SULF1: variants seen among roughly 807,000 people sequenced by gnomAD.
SULF1 encodes extracellular sulfatase Sulf-1.
Under a neutral mutation model 110.5 loss-of-function variants are expected in SULF1, and 46 were observed. The ratio of observed to expected loss-of-function variants is 0.42; its 90% CI spans 0.33 to 0.53. The LOEUF (loss-of-function observed/expected upper bound fraction) is 0.53. SULF1 is among the 20% of genes least tolerant of loss of function. The pLI is 0.12. For synonymous variants in SULF1, 371 were observed against 387.1 expected, an observed-to-expected ratio of 0.96 and a Z score of 0.49; for missense variants, 941 against 1,094.2, an observed-to-expected ratio of 0.86 and a Z score of 1.98.
At chr8:69,536,848 G>A (rs1478420606) in intron 3 of SULF1, among the ~76,000 whole-genome samples, 4 of 152,082 alleles carry the variant, frequency 2.6e-5, no homozygotes, top group Non-Finnish European at 5.9e-5. Context: ...TGAGATCATC[G>A]AAAGCCATGT....
chr8:69,555,185 C>T (rs1393851101), intron 3 of SULF1, among the ~76,000 whole-genome samples: 1 of 152,044 alleles, frequency 6.6e-6, no homozygotes, highest in African/African-American at 2.4e-5. Flanking sequence ...CTAGAATTGT[C>T]TTTTGAAATG....
chr8:69,511,719 T>G (rs1012260677), intron 3 of SULF1, among the ~76,000 whole-genome samples: 1 of 152,250 alleles, frequency 6.6e-6, no homozygotes. Context: ...CACATCATTG[T>G]CACCCAGAGT....
intron 3 of SULF1, among the ~76,000 whole-genome samples, chr8:69,554,669 A>AAG (rs1390141740): frequency 6.6e-6 from 1 of 150,992 alleles, no homozygotes; most frequent in Non-Finnish European, 1.5e-5. Context: ...CTAAAAAAAA[A>AAG]GAAAAAGAAA....
chr8:69,488,156 C>A (rs1447519708), upstream of SULF1, among the ~76,000 whole-genome samples: 3 of 152,220 alleles, frequency 2.0e-5, no homozygotes, highest in Admixed American at 6.5e-5. Context: ...GAAATAACAT[C>A]TAAAGCTTTG....
chr8:69,498,286 C>A (rs1215085727), intron 2 of SULF1, among the ~76,000 whole-genome samples: 1 of 152,162 alleles, frequency 6.6e-6, no homozygotes, highest in Middle Eastern at 3.2e-3. Flanking sequence ...GTTTGTGTGG[C>A]CAGCTTCAGC....
intron 7 of SULF1, among the ~76,000 whole-genome samples, chr8:69,586,977 C>A (rs1806511121): frequency 6.6e-6 from 1 of 152,224 alleles, no homozygotes; most frequent in South Asian, 2.1e-4. Flanking sequence ...TTACTCCTGT[C>A]TGACCAAGCT....
chr8:69,583,657 C>A (rs543867263), intron 6 of SULF1, among the ~76,000 whole-genome samples: 22 of 152,288 alleles, frequency 1.4e-4, no homozygotes, highest in Admixed American at 1.2e-3. Context: ...ACATTGGATT[C>A]ATGAACCCAA....
chr8:69,526,782 C>A (rs961262621), intron 3 of SULF1, among the ~76,000 whole-genome samples: 1 of 121,054 alleles, frequency 8.3e-6, no homozygotes, highest in Non-Finnish European at 1.7e-5. Context: ...CAGAGTGAGA[C>A]CCTGTGTCAA....
chr8:69,652,749 ACT>A (rs1812439715), intron 22 of SULF1, among the ~76,000 whole-genome samples: 1 of 152,150 alleles, frequency 6.6e-6, no homozygotes, highest in South Asian at 2.1e-4. Context: ...AACTGCTCAA[ACT>A]CTGTTCAAAT....
intron 1 of SULF1, among the ~76,000 whole-genome samples, chr8:69,478,148 C>G (rs1476615567): frequency 6.6e-6 from 1 of 152,160 alleles, no homozygotes; most frequent in Non-Finnish European, 1.5e-5. Flanking sequence ...CCACTGTACC[C>G]AGCCTAAGCA....
chr8:69,553,771 G>A (rs1377431908), intron 3 of SULF1, among the ~76,000 whole-genome samples: 1 of 152,124 alleles, frequency 6.6e-6, no homozygotes, highest in Non-Finnish European at 1.5e-5. Flanking sequence ...GAACATGAGT[G>A]CAGTCTTTAT....
intron 3 of SULF1, among the ~76,000 whole-genome samples, chr8:69,539,131 T>A (rs530117096): frequency 6.6e-6 from 1 of 152,328 alleles, no homozygotes; most frequent in East Asian, 1.9e-4. Context: ...ACACTCGCCT[T>A]TGTCATTCGA....
intron 3 of SULF1, among the ~76,000 whole-genome samples, chr8:69,548,560 A>C (rs1012175276): frequency 1.4e-5 from 2 of 142,450 alleles, no homozygotes; most frequent in Non-Finnish European, 3.0e-5. Context: ...CAATCCTCCC[A>C]CCTCAGCCTC....
intron 8 of SULF1, among the ~76,000 whole-genome samples, chr8:69,593,658 A>T (rs1254055086): frequency 1.3e-5 from 2 of 152,196 alleles, no homozygotes; most frequent in Admixed American, 1.3e-4. Flanking sequence ...GTGAAAGGGG[A>T]TTATCGACCA....
intron 3 of SULF1, among the ~76,000 whole-genome samples, chr8:69,519,187 A>T (rs1188266194): frequency 6.6e-6 from 1 of 152,168 alleles, no homozygotes; most frequent in Non-Finnish European, 1.5e-5. Context: ...CACCACATTC[A>T]TATTCAAACT....
chr8:69,593,903 T>C (rs573683580), intron 8 of SULF1, among the ~76,000 whole-genome samples: 1 of 152,306 alleles, frequency 6.6e-6, no homozygotes, highest in East Asian at 1.9e-4. Context: ...GCCTCAGTGA[T>C]GTCATCATAT....
At chr8:69,651,722 A>T (rs1812358150) in intron 22 of SULF1, among the ~76,000 whole-genome samples, 1 of 152,100 alleles carries the variant, frequency 6.6e-6, no homozygotes, top group Non-Finnish European at 1.5e-5. Context: ...CCACTGGGTC[A>T]TTGTGTGTTG....
At chr8:69,470,476 T>TC (rs1340327441) in intron 1 of SULF1, among the ~76,000 whole-genome samples, 2 of 152,128 alleles carry the variant, frequency 1.3e-5, no homozygotes, top group Admixed American at 1.3e-4. Context: ...AGCCTTTTTT[T>TC]CCCCTCTCAT....
chr8:69,508,380 C>T (rs1229079815), intron 3 of SULF1, among the ~76,000 whole-genome samples: 1 of 152,182 alleles, frequency 6.6e-6, no homozygotes, highest in Non-Finnish European at 1.5e-5. Context: ...GCTGAGGTTA[C>T]AGGCATGAGC....
Sources: gnomAD v4.1 joint callset for allele counts (sites outside exome capture counted in the v4.1 genomes callset) on GRCh38, gnomAD v4.1.1 for gene constraint, MANE v1.5 for transcripts, NCBI Gene and HGNC (gene_info 2026-07-23, HGNC 2026-07-21) for gene names.